The following RSU1 variants were observed in gnomAD, a reference collection of about 807,000 sequenced individuals.
RSU1 encodes Ras suppressor protein 1, also known as rsu-1.
A neutral mutation model predicts 31.1 loss-of-function variants in RSU1; 26 were observed. That is an observed-to-expected ratio of 0.84 (90% CI 0.61 to 1.16). RSU1 has a LOEUF of 1.16. RSU1 is among the 50% of genes most tolerant of loss of function. RSU1 has a pLI of 0.00. For synonymous variants in RSU1, 164 were observed against 136.3 expected, an observed-to-expected ratio of 1.20 and a Z score of -1.41; for missense variants, 320 against 339.1, an observed-to-expected ratio of 0.94 and a Z score of 0.44.
chr10:16,615,655 G>A (rs1490435785), intron 8 of RSU1, among the ~76,000 whole-genome samples: 5 of 152,162 alleles, frequency 3.3e-5, no homozygotes. Context: ...CTCAGCATGT[G>A]CAAAAGAATG....
chr10:16,686,477 A>T (rs775597947), intron 8 of RSU1, among the ~76,000 whole-genome samples: 43 of 152,344 alleles, frequency 2.8e-4, no homozygotes, highest in Non-Finnish European at 2.1e-4. Flanking sequence ...AAAGGAGCTC[A>T]GAATAGCTCC....
chr10:16,701,615 T>TAC (rs45628736), intron 7 of RSU1, among the ~76,000 whole-genome samples: 1,619 of 151,016 alleles, frequency 0.011, 17 homozygotes, highest in African/African-American at 0.029. Context: ...TAGTACAACT[T>TAC]ACACACACAC....
chr10:16,641,913 G>A (rs903398275), intron 8 of RSU1, among the ~76,000 whole-genome samples: 2 of 152,188 alleles, frequency 1.3e-5, no homozygotes, highest in African/African-American at 4.8e-5. Flanking sequence ...AGCAGGGCCT[G>A]GAACCTGGCC....
chr10:16,672,800 A>C (rs1419143347), intron 8 of RSU1, among the ~76,000 whole-genome samples: 2 of 152,218 alleles, frequency 1.3e-5, no homozygotes, highest in Non-Finnish European at 2.9e-5. Context: ...GAATTTGTTC[A>C]CTGTCTTAAG....
At position 16,661,461 on chromosome 10, in the gene RSU1, T is replaced by A. The variant is rs1001494218; in HGVS notation, c.731+33562A>T. On this transcript the variant is annotated intron_variant, in intron 8 of 8. Transcript: ENST00000345264. ...GAGTTCCACCAATTTGGAAACAAATTATCTACATTTTTTAAATGTAGTTTC... is the reference window on the plus strand; with the variant it reads ...GAGTTCCACCAATTTGGAAACAAATAATCTACATTTTTTAAATGTAGTTTC... 4.6e-5 allele frequency among the ~76,000 whole-genome samples: 7 copies of A among 152,184 alleles called. No homozygotes were observed. The South Asian group carries it at 8.3e-4, about 18-fold the overall frequency.
At position 16,590,987 on chromosome 10, in the gene RSU1, G is replaced by T. The variant is rs550873160; in HGVS notation, c.*2407C>A. On this transcript the variant is annotated 3_prime_UTR_variant, in exon 9 of 9. Transcript: ENST00000345264. ...AGTGCGGTGGCTTAATCTCAGCTCA[G>T]TGCAACCTCTGCCTCCCGGGTTCAA... The T allele has an allele frequency of 6.6e-6, 1 of 152,050 alleles. No individual in the cohort carries two copies. The highest frequency in any genetic ancestry group is 6.6e-5 in the Admixed American group (1 of 15,260). 9.4% of individuals were successfully genotyped at this position (152,050 alleles called of 1,614,324 possible).
At chr10:16,625,500 C>T (rs944948422) in intron 8 of RSU1, among the ~76,000 whole-genome samples, 4 of 152,124 alleles carry the variant, frequency 2.6e-5, no homozygotes, top group African/African-American at 7.2e-5. Flanking sequence ...GCGTTCTGAT[C>T]GGGAAACCCA....
chr10:16,798,252 T>C (rs956089949), intron 2 of RSU1, among the ~76,000 whole-genome samples: 3 of 152,136 alleles, frequency 2.0e-5, no homozygotes, highest in African/African-American at 4.8e-5. Flanking sequence ...CAGAAAACCA[T>C]AAAGAACATA....
At chr10:16,616,198 C>T (rs1006059364) in intron 8 of RSU1, among the ~76,000 whole-genome samples, 4 of 152,048 alleles carry the variant, frequency 2.6e-5, no homozygotes, top group African/African-American at 9.6e-5. Flanking sequence ...CACAGAAATA[C>T]AAACTACCAT....
chr10:16,747,881 A>G (rs1836887272), intron 7 of RSU1, among the ~76,000 whole-genome samples: 1 of 152,172 alleles, frequency 6.6e-6, no homozygotes, highest in African/African-American at 2.4e-5. Flanking sequence ...AAAAACTGAG[A>G]AAACCAGTGG....
chr10:16,688,826 C>T (rs530276756), intron 8 of RSU1, among the ~76,000 whole-genome samples: 1 of 151,742 alleles, frequency 6.6e-6, no homozygotes, highest in Non-Finnish European at 1.5e-5. Flanking sequence ...CATAGCAAGA[C>T]CCCCAGTCTC....
At chr10:16,769,428 A>C (rs1396818732) in intron 3 of RSU1, among the ~76,000 whole-genome samples, 1 of 152,254 alleles carries the variant, frequency 6.6e-6, no homozygotes, top group African/African-American at 2.4e-5. Context: ...TGTGGTGACC[A>C]GTGGCTCCAC....
chr10:16,628,088 G>A (rs564366621), intron 8 of RSU1, among the ~76,000 whole-genome samples: 1 of 152,114 alleles, frequency 6.6e-6, no homozygotes, highest in Non-Finnish European at 1.5e-5. Context: ...ACTCACAGAG[G>A]GTACTTCATT....
At chr10:16,724,845 A>G (rs941782252) in intron 7 of RSU1, among the ~76,000 whole-genome samples, 1 of 152,252 alleles carries the variant, frequency 6.6e-6, no homozygotes, top group Non-Finnish European at 1.5e-5. Flanking sequence ...GGGAGCAAGG[A>G]AAATGAATGA....
intron 8 of RSU1, among the ~76,000 whole-genome samples, chr10:16,688,381 C>T (rs774443180): frequency 7.0e-4 from 106 of 151,940 alleles, no homozygotes; most frequent in Non-Finnish European, 1.1e-3. Flanking sequence ...CCGAGGCGGA[C>T]GGGTCACGAG....
At chr10:16,738,282 TA>T (rs201088417) in intron 7 of RSU1, among the ~76,000 whole-genome samples, 9 of 148,346 alleles carry the variant, frequency 6.1e-5, no homozygotes, top group Non-Finnish European at 9.0e-5. Context: ...CCGTCTCTAC[TA>T]AAAAAAAAAT....
intron 8 of RSU1, among the ~76,000 whole-genome samples, chr10:16,623,495 G>A (rs537374516): frequency 2.0e-5 from 3 of 152,270 alleles, no homozygotes; most frequent in East Asian, 1.9e-4. Context: ...ACAAACACAC[G>A]AGTGTATGTG....
At position 16,594,729 on chromosome 10, in the gene RSU1, TATATC is replaced by T. The variant is rs1489442910; in HGVS notation, c.732-1238_732-1234del. 2.1e-3 allele frequency among the ~76,000 whole-genome samples: 304 copies of T among 147,048 alleles called. 3 individuals are homozygous for T. The highest frequency in any genetic ancestry group is 5.7e-3 in the African/African-American group (231 of 40,552). ...GATAATATATGATACATATAGATAATATATCATATATATCATATAAAATATACTAT... is the reference window on the plus strand; with the variant it reads ...GATAATATATGATACATATAGATAATATATATATCATATAAAATATACTAT... On this transcript the variant is annotated intron_variant, in intron 8 of 8. Coordinates refer to ENST00000345264, the MANE Select transcript of RSU1 (RefSeq NM_012425.4).
chr10:16,696,568 T>G (rs1043630250), intron 7 of RSU1, among the ~76,000 whole-genome samples: 2 of 152,240 alleles, frequency 1.3e-5, no homozygotes, highest in African/African-American at 4.8e-5. Context: ...ATTCATCATG[T>G]TTCCAAAGCT....
Sources: gnomAD v4.1 joint callset for allele counts (sites outside exome capture counted in the v4.1 genomes callset) on GRCh38, gnomAD v4.1.1 for gene constraint, MANE v1.5 for transcripts, NCBI Gene and HGNC (gene_info 2026-07-23, HGNC 2026-07-21) for gene names.